ADGRG1: variants seen among roughly 807,000 people sequenced by gnomAD.
ADGRG1 encodes adhesion G protein-coupled receptor G1.
A neutral mutation model predicts 73.5 loss-of-function variants in ADGRG1; 53 were observed. That is an observed-to-expected ratio of 0.72 (90% CI 0.58 to 0.91). The LOEUF is 0.91. Among genes scored for constraint, ADGRG1 ranks in the 40% least tolerant of loss-of-function variants. The pLI is 0.00. For synonymous variants in ADGRG1, 394 were observed against 374.4 expected, an observed-to-expected ratio of 1.05 and a Z score of -0.60; for missense variants, 795 against 871.8, an observed-to-expected ratio of 0.91 and a Z score of 1.11.
At chr16:57,645,099 TTCA>T (rs1363379044) in intron 1 of ADGRG1, 1 of 984,926 alleles carries the variant, frequency 1.0e-6, no homozygotes, top group Non-Finnish European at 1.2e-6. Flanking sequence ...CTCGCAGGAG[TTCA>T]TCCTCACCCT....
At chr16:57,652,664 G>T in intron 3 of ADGRG1, 2 of 987,442 alleles carry the variant, frequency 2.0e-6, no homozygotes, top group Non-Finnish European at 2.4e-6. Flanking sequence ...AAAAGATGGA[G>T]CTACCCAGGG....
At chr16:57,660,524 C>G in intron 11 of ADGRG1, 1 of 730,540 alleles carries the variant, frequency 1.4e-6, no homozygotes, top group Non-Finnish European at 1.7e-6. Flanking sequence ...CTCCCAGGGG[C>G]CCCCAGGGTG....
At chr16:57,635,985 C>G (rs1156916099) in intron 1 of ADGRG1, 1 of 985,292 alleles carries the variant, frequency 1.0e-6, no homozygotes, top group Non-Finnish European at 1.2e-6. Flanking sequence ...TCGTGAGTCT[C>G]TGCAGACTAG....
At chr16:57,648,502 A>G in intron 1 of ADGRG1, 1 of 969,688 alleles carries the variant, frequency 1.0e-6, no homozygotes, top group Non-Finnish European at 1.2e-6. Flanking sequence ...GGTGGGACGC[A>G]GGGAACTGGC....
chr16:57,649,926 C>T (rs1397452769), intron 1 of ADGRG1: 1 of 154,090 alleles, frequency 6.5e-6, no homozygotes, highest in Non-Finnish European at 1.4e-5. Context: ...CACAGGCATA[C>T]ACCGCCATGC....
Position 57,659,595 on chromosome 16 carries a change from A to AG in ADGRG1, c.1473dup (p.Tyr492ValfsTer54). 1 of 1,613,964 alleles carries AG rather than the reference A, an allele frequency of 6.2e-7. No homozygotes were observed. Among genetic ancestry groups the AG allele is most frequent in the Non-Finnish European group, 8.5e-7 (1 of 1,179,920 alleles). On this transcript the variant is annotated frameshift_variant, in exon 11 of 14. Transcript: ENST00000562631. LOFTEE classifies it high-confidence loss of function. ...ACCTGCCTTTCCTGGATGGGCCTCG[A>AG]GGGGTACAACCTCTACCGACTCGTG... is the stretch of plus-strand genomic sequence containing the variant.
chr16:57,650,427 A>T (rs2148188435), intron 2 of ADGRG1, 76 bp downstream of exon 2: 1 of 1,610,730 alleles, frequency 6.2e-7, no homozygotes, highest in East Asian at 2.2e-5. Flanking sequence ...GGCTGCCAGC[A>T]CACATGCTAA....
intron 1 of ADGRG1, chr16:57,639,798 C>T (rs563250403): frequency 1.5e-5 from 12 of 825,294 alleles, no homozygotes; most frequent in Non-Finnish European, 1.8e-5. Context: ...TCCTTCCTCC[C>T]CATCCCTTCC....
Position 57,628,785 on chromosome 16 carries a change from C to T in ADGRG1, c.-53C>T. The T allele has an allele frequency of 1.0e-6, 1 of 985,554 alleles. No individual in the cohort carries two copies. The highest frequency in any genetic ancestry group is 1.2e-6 in the Non-Finnish European group (1 of 830,046). The allele number at this position is 985,554 out of a possible 1,614,324, so 61.1% of individuals were successfully genotyped here. ...TCCAGCCGCCTGGCCCTGCGTGGGA[C>T]CCTCCACCTGGCAGCAGGTACCCAA... On this transcript the variant is annotated 5_prime_UTR_variant, in exon 1 of 14. Coordinates refer to ENST00000562631, the MANE Select transcript of ADGRG1 (RefSeq NM_201525.4).
chr16:57,653,858 TCTCTGCCTCTGC>T (rs372104123), intron 4 of ADGRG1, 116 bp from the exon 5 acceptor site: 318 of 1,583,010 alleles, frequency 2.0e-4, no homozygotes, highest in Non-Finnish European at 2.5e-4. Flanking sequence ...CCCACCCCTC[TCTCTGCCTCTGC>T]CTCTGCCTCT....
At chr16:57,639,042 C>G (rs1192804517) in intron 1 of ADGRG1, among the ~76,000 whole-genome samples, 1 of 151,900 alleles carries the variant, frequency 6.6e-6, no homozygotes, top group Admixed American at 6.5e-5. Context: ...TGCACTCCAG[C>G]CTGGGCGAAA....
chr16:57,628,907 AGTGTGTGAGAGTGAGTGT>A (rs2036619929), intron 1 of ADGRG1, 105 bp downstream of exon 1: 13 of 823,170 alleles, frequency 1.6e-5, no homozygotes, highest in Admixed American at 1.7e-4. Context: ...TGTGAGTGTG[AGTGTGTGAGAGTGAGTGT>A]GAGTGTGAGT....
rs761336676 is a variant in ADGRG1 at position 57,663,448 on chromosome 16, G to T, written c.1934-4G>T. ...TGCTGACCCCGTGCCCTCACTGCCC[G>T]CAGGCTTCCTCATCTTCATCTGGTA... On this transcript the variant is annotated splice_polypyrimidine_tract_variant and splice_region_variant and intron_variant, in intron 13 of 13. Transcript: ENST00000562631. The T allele has an allele frequency of 6.2e-7, 1 of 1,613,860 alleles. No homozygotes were observed. The highest frequency in any genetic ancestry group is 8.5e-7 in the Non-Finnish European group (1 of 1,179,916).
rs771685769 is a variant in ADGRG1 at position 57,663,452 on chromosome 16, G to C, written c.1934G>C (p.Gly645Ala). ...GACCCCGTGCCCTCACTGCCCGCAG[G>C]CTTCCTCATCTTCATCTGGTACTGG... ...YLFSIITSFQ[G>A]FLIFIWYWSM... The change falls in exon 14 of 14, where the codon GGC (glycine) becomes GCC (alanine). Residue 645 changes from glycine to alanine, a missense_variant and splice_region_variant. Coordinates refer to ENST00000562631, the MANE Select transcript of ADGRG1 (RefSeq NM_201525.4). The C allele has an allele frequency of 1.9e-6, 3 of 1,613,978 alleles. No homozygotes were observed. The highest frequency in any genetic ancestry group is 2.5e-6 in the Non-Finnish European group (3 of 1,179,972).
chr16:57,651,980 A>G, intron 3 of ADGRG1: 2 of 1,238,424 alleles, frequency 1.6e-6, no homozygotes, highest in Non-Finnish European at 1.0e-6. Flanking sequence ...GAAGATCAAG[A>G]GCCCCAGGAA....
rs2148604747 is a variant in ADGRG1 at position 57,661,787 on chromosome 16, C to T, written c.1755C>T (p.Thr585=). ...TGTTCAACATGGCCATGCTAGCCAC[C>T]ATGGTGGTGCAGATCCTGCGGCTGC... ...VFLFNMAMLA[T]MVVQILRLRP... is the part of the protein sequence containing the mutation. Residue 585 remains threonine (T), a synonymous_variant, in exon 13 of 14, where the codon ACC becomes ACT. Transcript: ENST00000562631. 4 of 1,614,266 alleles carry T rather than the reference C, an allele frequency of 2.5e-6. No homozygotes were observed. The highest frequency in any genetic ancestry group is 3.4e-6 in the Non-Finnish European group (4 of 1,180,052).
At chr16:57,632,477 C>T (rs551955806) in intron 1 of ADGRG1, 56 of 310,838 alleles carry the variant, frequency 1.8e-4, no homozygotes, top group African/African-American at 9.3e-4. Flanking sequence ...CTTTCCCATA[C>T]GTGGGAATGT....
At chr16:57,642,585 C>T in intron 1 of ADGRG1, 1 of 967,532 alleles carries the variant, frequency 1.0e-6, no homozygotes, top group African/African-American at 1.8e-5. Flanking sequence ...TCCTGCAGGA[C>T]TTATCAGAGC....
intron 1 of ADGRG1, chr16:57,648,464 C>T (rs1417080936): frequency 5.1e-6 from 5 of 979,488 alleles, no homozygotes; most frequent in Non-Finnish European, 6.1e-6. Flanking sequence ...ACTGACAAGG[C>T]CTGAGAAATT....
Sources: allele counts gnomAD v4.1 joint callset (sites outside exome capture counted in the v4.1 genomes callset), GRCh38; gene constraint gnomAD v4.1.1; transcripts MANE v1.5; gene names NCBI Gene and HGNC (gene_info 2026-07-23, HGNC 2026-07-21).